Variants in SPECC1 observed in about 807,000 individuals in gnomAD.
SPECC1 encodes the protein cytospin-B.
Under a neutral mutation model 104.1 loss-of-function variants are expected in SPECC1, and 62 were observed. The ratio of observed to expected loss-of-function variants is 0.60; its 90% CI spans 0.49 to 0.74. The LOEUF (loss-of-function observed/expected upper bound fraction) is 0.74, where lower values mean the gene tolerates loss of function less well. SPECC1 is among the 30% of genes least tolerant of loss of function. The pLI is 0.00. For synonymous variants in SPECC1, 513 were observed against 501.6 expected (o/e 1.02, Z -0.30); for missense variants, 1,306 against 1,310.5 (o/e 1.00, Z 0.05).
intron 11 of SPECC1, among the ~76,000 whole-genome samples, chr17:20,259,861 A>G (rs1246155066): frequency 6.6e-6 from 1 of 152,180 alleles, no homozygotes; most frequent in African/African-American, 2.4e-5. Flanking sequence ...TGAAACATGT[A>G]GGGTGTGTTT....
At chr17:20,218,690 C>T (rs2037666553) in intron 4 of SPECC1, among the ~76,000 whole-genome samples, 1 of 151,368 alleles carries the variant, frequency 6.6e-6, no homozygotes, top group Non-Finnish European at 1.5e-5. Context: ...TTATGGGGTA[C>T]CTGAGATATT....
chr17:20,267,133 C>T (rs1219526009), intron 12 of SPECC1, among the ~76,000 whole-genome samples: 4 of 152,018 alleles, frequency 2.6e-5, no homozygotes, highest in South Asian at 2.1e-4. Flanking sequence ...CTCAAAATGG[C>T]GCTCCTAGGA....
chr17:20,248,863 G>A (rs927715120), intron 9 of SPECC1, among the ~76,000 whole-genome samples: 2 of 151,968 alleles, frequency 1.3e-5, no homozygotes, highest in Admixed American at 6.6e-5. Context: ...TGTGTTTTAA[G>A]ATTTTGTTTT....
At chr17:20,189,290 T>TTA (rs2151274156) in intron 3 of SPECC1, among the ~76,000 whole-genome samples, 1 of 152,308 alleles carries the variant, frequency 6.6e-6, no homozygotes, top group East Asian at 1.9e-4. Context: ...AGCTCTCTAG[T>TTA]TAGGCAATGA....
At chr17:20,141,355 A>G (rs1314359537) in intron 3 of SPECC1, among the ~76,000 whole-genome samples, 1 of 152,170 alleles carries the variant, frequency 6.6e-6, no homozygotes, top group Admixed American at 6.6e-5. Flanking sequence ...ACTCCTGAGT[A>G]TGGGCGATGC....
At chr17:20,264,066 T>G (rs1467416258) in intron 12 of SPECC1, among the ~76,000 whole-genome samples, 1 of 152,334 alleles carries the variant, frequency 6.6e-6, no homozygotes, top group South Asian at 2.1e-4. Context: ...TAGACCTGTT[T>G]GTCTGAGACA....
intron 1 of SPECC1, among the ~76,000 whole-genome samples, chr17:20,094,009 G>A (rs2047529780): frequency 6.6e-6 from 1 of 152,038 alleles, no homozygotes; most frequent in Admixed American, 6.6e-5. Context: ...GGGATTACAG[G>A]TGTGAGCCAC....
intron 1 of SPECC1, among the ~76,000 whole-genome samples, chr17:20,064,273 G>A (rs2046289302): frequency 1.3e-5 from 2 of 152,226 alleles, no homozygotes; most frequent in Non-Finnish European, 2.9e-5. Flanking sequence ...CCTGATGGCA[G>A]GAGAGTCAGA....
chr17:20,144,220 T>A (rs2031205557), intron 3 of SPECC1, among the ~76,000 whole-genome samples: 1 of 143,854 alleles, frequency 7.0e-6, no homozygotes, highest in Non-Finnish European at 1.5e-5. Flanking sequence ...GGTCTCTGTC[T>A]GTCACCGAGG....
At chr17:20,180,344 A>C (rs1374405107) in intron 3 of SPECC1, among the ~76,000 whole-genome samples, 4 of 152,240 alleles carry the variant, frequency 2.6e-5, no homozygotes, top group Non-Finnish European at 5.9e-5. Context: ...GGTCCAGAAT[A>C]TTAGTGTCAG....
intron 1 of SPECC1, among the ~76,000 whole-genome samples, chr17:20,044,251 ATGC>A (rs2152455855): frequency 6.6e-6 from 1 of 152,246 alleles, no homozygotes; most frequent in African/African-American, 2.4e-5. Flanking sequence ...TGGCTTCAGC[ATGC>A]TAAAAAAAAG....
At chr17:20,190,689 G>A (rs893427971) in intron 3 of SPECC1, among the ~76,000 whole-genome samples, 1 of 152,128 alleles carries the variant, frequency 6.6e-6, no homozygotes, top group Non-Finnish European at 1.5e-5. Flanking sequence ...CATTCTGTAG[G>A]TTTGGATAAA....
chr17:20,183,868 T>G (rs1345633945), intron 3 of SPECC1, among the ~76,000 whole-genome samples: 1 of 152,050 alleles, frequency 6.6e-6, no homozygotes, highest in Admixed American at 6.6e-5. Flanking sequence ...TTATGAAATT[T>G]TATTAAATAA....
chr17:20,077,591 C>G (rs911280255), intron 1 of SPECC1, among the ~76,000 whole-genome samples: 3 of 151,928 alleles, frequency 2.0e-5, no homozygotes, highest in Admixed American at 1.3e-4. Flanking sequence ...CTCAGCCTCT[C>G]GAGTAGTTGG....
chr17:20,058,928 C>T (rs866017414), intron 1 of SPECC1, among the ~76,000 whole-genome samples: 1 of 149,732 alleles, frequency 6.7e-6, no homozygotes, highest in Non-Finnish European at 1.5e-5. Context: ...CAAGCTCTGC[C>T]TCCCAGGTTC....
chr17:20,033,444 C>T (rs1322454018), intron 1 of SPECC1, among the ~76,000 whole-genome samples: 2 of 152,108 alleles, frequency 1.3e-5, no homozygotes, highest in South Asian at 4.1e-4. Flanking sequence ...TAAAGGAATA[C>T]CTGAGGCTGG....
intron 1 of SPECC1, among the ~76,000 whole-genome samples, chr17:20,052,472 ACT>A (rs2045810172): frequency 6.6e-6 from 1 of 152,130 alleles, no homozygotes; most frequent in African/African-American, 2.4e-5. Flanking sequence ...CAGCACTACC[ACT>A]GTTTTATCTG....
chr17:20,309,731 G>T (rs1350522858), intron 14 of SPECC1, among the ~76,000 whole-genome samples: 1 of 150,054 alleles, frequency 6.7e-6, no homozygotes, highest in Non-Finnish European at 1.5e-5. Context: ...ACATGATTTT[G>T]TTCTTTTTAT....
intron 3 of SPECC1, among the ~76,000 whole-genome samples, chr17:20,114,962 C>T (rs560712680): frequency 2.3e-4 from 35 of 152,138 alleles, no homozygotes; most frequent in Non-Finnish European, 4.0e-4. Context: ...TAAATCATTT[C>T]ACTTTGTACT....
Sources: allele counts gnomAD v4.1 joint callset (sites outside exome capture counted in the v4.1 genomes callset), GRCh38; gene constraint gnomAD v4.1.1; transcripts MANE v1.5; gene names NCBI Gene and HGNC (gene_info 2026-07-23, HGNC 2026-07-21).